Variants in ANO2 observed in about 807,000 individuals in gnomAD.
The protein encoded by ANO2 is anoctamin-2.
A neutral mutation model predicts 124.2 loss-of-function variants in ANO2; 101 were observed. That is an observed-to-expected ratio of 0.81 (90% confidence interval 0.69 to 0.96). The LOEUF (loss-of-function observed/expected upper bound fraction) is 0.96, where lower values mean the gene tolerates loss of function less well. Among genes scored for constraint, ANO2 ranks in the 40% least tolerant of loss-of-function variants. ANO2 has a pLI of 0.00. For synonymous variants in ANO2, 486 were observed against 482.5 expected (o/e 1.01, Z -0.09); for missense variants, 1,293 against 1,274.5 (o/e 1.01, Z -0.22).
Position 5,626,660 on chromosome 12 carries a change from C to T in ANO2, c.1816+8492G>A, listed in dbSNP as rs985584824. On this transcript the variant is annotated intron_variant, in intron 16 of 24. Coordinates refer to ENST00000682330, the MANE Select transcript of ANO2 (RefSeq NM_001364791.2). ...CCCTTGGATGGTTCAAAGGAAGCGA[C>T]TCTAATGAAGCCCTTACTCACAGCA... 4.6e-5 allele frequency among the ~76,000 whole-genome samples: 7 copies of T among 152,290 alleles called. No individual in the cohort carries two copies. The East Asian group carries it at 1.4e-3, about 29-fold the overall frequency.
At chr12:5,891,937 G>A (rs1049819120) in intron 3 of ANO2, among the ~76,000 whole-genome samples, 3 of 152,046 alleles carry the variant, frequency 2.0e-5, no homozygotes, top group African/African-American at 7.2e-5. Context: ...TCTTTTGTGA[G>A]AAATGACAAT....
At chr12:5,712,572 G>A (rs1304888220) in intron 14 of ANO2, among the ~76,000 whole-genome samples, 3 of 152,148 alleles carry the variant, frequency 2.0e-5, no homozygotes, top group Non-Finnish European at 4.4e-5. Flanking sequence ...CTTGACCTTG[G>A]ACTTCTGGCC....
intron 14 of ANO2, among the ~76,000 whole-genome samples, chr12:5,652,571 C>T (rs1241762938): frequency 1.3e-5 from 2 of 151,992 alleles, no homozygotes; most frequent in East Asian, 1.9e-4. Context: ...TTAGACTCCT[C>T]GAAGCTGTGA....
chr12:5,781,692 G>A (rs1405586816), intron 10 of ANO2, among the ~76,000 whole-genome samples: 1 of 149,016 alleles, frequency 6.7e-6, no homozygotes, highest in Non-Finnish European at 1.5e-5. Context: ...CAATGGTTTA[G>A]GTCAGCTTGC....
At chr12:5,861,824 T>C (rs532913783) in intron 3 of ANO2, among the ~76,000 whole-genome samples, 1 of 152,150 alleles carries the variant, frequency 6.6e-6, no homozygotes, top group Middle Eastern at 3.4e-3. Flanking sequence ...ATCATCAAGA[T>C]TGAAGCTCAC....
intron 14 of ANO2, among the ~76,000 whole-genome samples, chr12:5,697,719 G>A (rs1949242095): frequency 6.6e-6 from 1 of 152,202 alleles, no homozygotes; most frequent in South Asian, 2.1e-4. Flanking sequence ...GGGAAGCTGA[G>A]ACAGACAGCA....
chr12:5,597,884 T>C (rs1035766581), intron 20 of ANO2, among the ~76,000 whole-genome samples: 1 of 152,242 alleles, frequency 6.6e-6, no homozygotes, highest in African/African-American at 2.4e-5. Context: ...TAGCCAAACA[T>C]GAAAGGCATA....
rs182853966 is a variant in ANO2 at position 5,857,978 on chromosome 12, A to G, written c.535-3837T>C. ...ATATGTGGAAACTAAAGAATATTTG[A>G]GCTTATGGAAGTAGAGCATAGAATT... is the stretch of plus-strand genomic sequence containing the variant. On this transcript the variant is annotated intron_variant, in intron 3 of 24. Coordinates refer to ENST00000682330, the MANE Select transcript of ANO2 (RefSeq NM_001364791.2). Among the ~76,000 whole-genome samples the G allele has an allele frequency of 2.6e-5, 4 of 152,194 alleles. No individual in the cohort carries two copies. The East Asian group carries it at 7.7e-4, about 29-fold the overall frequency.
chr12:5,879,016 G>C (rs1938302849), intron 3 of ANO2, among the ~76,000 whole-genome samples: 2 of 152,212 alleles, frequency 1.3e-5, no homozygotes, highest in African/African-American at 4.8e-5. Context: ...TGGGACAGTT[G>C]GTGCGTCTAC....
At chr12:5,602,068 C>G (rs536952497) in intron 19 of ANO2, among the ~76,000 whole-genome samples, 1 of 152,024 alleles carries the variant, frequency 6.6e-6, no homozygotes, top group Non-Finnish European at 1.5e-5. Context: ...TAGCACTTCC[C>G]AATACCAACA....
chr12:5,604,238 G>A (rs566781842), intron 19 of ANO2, among the ~76,000 whole-genome samples: 2 of 152,274 alleles, frequency 1.3e-5, no homozygotes, highest in African/African-American at 4.8e-5. Flanking sequence ...TGGTGCCGAT[G>A]GCTACGATAG....
chr12:5,651,648 G>C (rs375573451), intron 14 of ANO2, among the ~76,000 whole-genome samples: 4 of 152,108 alleles, frequency 2.6e-5, no homozygotes, highest in Admixed American at 2.6e-4. Context: ...GTTTACTTCT[G>C]TAAGTTTTGA....
At chr12:5,622,621 C>T (rs1214852402) in intron 16 of ANO2, among the ~76,000 whole-genome samples, 1 of 152,126 alleles carries the variant, frequency 6.6e-6, no homozygotes, top group Non-Finnish European at 1.5e-5. Flanking sequence ...TTGGATCTCT[C>T]TCACAAGCCA....
At chr12:5,832,624 G>C (rs1954192701) in intron 4 of ANO2, 21 bp from the exon 5 acceptor site, 8 of 1,598,070 alleles carry the variant, frequency 5.0e-6, no homozygotes, top group Non-Finnish European at 6.8e-6. Context: ...AAGAGCCACA[G>C]GTCTGAAAAG....
At position 5,722,334 on chromosome 12, in the gene ANO2, G is replaced by A. The variant is rs974123232; in HGVS notation, c.1545+10186C>T. On this transcript the variant is annotated intron_variant, in intron 14 of 24. Transcript: ENST00000682330. ...ATCCTGGCTAACACGGTGAAACCCC[G>A]TCTCTATTAAAAATACAAAAAAATT... is the stretch of plus-strand genomic sequence containing the variant. Among the ~76,000 whole-genome samples, 22 of 152,178 alleles carry A rather than the reference G, an allele frequency of 1.4e-4. No individual in the cohort carries two copies. In the South Asian group the frequency reaches 3.1e-3, roughly 22 times the overall value.
At chr12:5,827,580 C>T (rs549871932) in intron 7 of ANO2, among the ~76,000 whole-genome samples, 189 bp downstream of exon 7, 150 of 152,292 alleles carry the variant, frequency 9.8e-4, no homozygotes, top group Non-Finnish European at 1.7e-3. Flanking sequence ...GGGGGCAGCC[C>T]CACTGAGAAA....
intron 16 of ANO2, among the ~76,000 whole-genome samples, chr12:5,626,061 T>G (rs1945383081): frequency 6.6e-6 from 1 of 152,270 alleles, no homozygotes; most frequent in African/African-American, 2.4e-5. Flanking sequence ...TTCCACTTCC[T>G]TAGTAAAAGA....
Position 5,612,975 on chromosome 12 carries a change from T to C in ANO2, c.1929-17A>G. On this transcript the variant is annotated splice_polypyrimidine_tract_variant and intron_variant, in intron 17 of 24. Transcript: ENST00000682330. ...CCCACAAACCTGAAATCAAACAGTG[T>C]GGGAAGAGTTAGGGGAAGAGAAAGC... The C allele has an allele frequency of 6.2e-7, 1 of 1,613,484 alleles. No homozygotes were observed. The highest frequency in any genetic ancestry group is 8.5e-7 in the Non-Finnish European group (1 of 1,179,652).
At chr12:5,621,241 G>A (rs1395103639) in intron 16 of ANO2, among the ~76,000 whole-genome samples, 1 of 152,138 alleles carries the variant, frequency 6.6e-6, no homozygotes, top group Non-Finnish European at 1.5e-5. Flanking sequence ...GCAGACCCCA[G>A]CTATTGCCAG....
Sources: allele counts gnomAD v4.1 joint callset (sites outside exome capture counted in the v4.1 genomes callset), GRCh38; gene constraint gnomAD v4.1.1; transcripts MANE v1.5; gene names NCBI Gene and HGNC (gene_info 2026-07-23, HGNC 2026-07-21).